Variants in SFXN5 observed in about 807,000 individuals in gnomAD.
The protein encoded by SFXN5 is sideroflexin 5, also known as sideroflexin-5.
In SFXN5, 43 loss-of-function variants were observed where a neutral mutation model predicts 50.2. The observed-to-expected ratio is 0.86, with a 90% CI of 0.67 to 1.11. The LOEUF is 1.11. Among genes scored for constraint, SFXN5 ranks in the 50% least tolerant of loss-of-function variants. SFXN5 has a pLI of 0.00. For missense variants in SFXN5, 463 were observed against 454.1 expected (o/e 1.02, Z -0.18); for synonymous variants, 203 against 185.8 (o/e 1.09, Z -0.75).
At chr2:72,967,815 G>A (rs968334308) in intron 12 of SFXN5, among the ~76,000 whole-genome samples, 13 of 152,070 alleles carry the variant, frequency 8.5e-5, no homozygotes, top group South Asian at 2.1e-4. Flanking sequence ...TCCTTCCAGC[G>A]GAGTTTCAGT....
intron 6 of SFXN5, among the ~76,000 whole-genome samples, chr2:73,006,556 A>G (rs912718963): frequency 4.0e-5 from 6 of 151,466 alleles, no homozygotes; most frequent in Admixed American, 6.6e-5. Context: ...CAGGAGAAGG[A>G]GGTTGCAGTG....
At chr2:73,050,420 A>ACACC (rs1553523879) in intron 2 of SFXN5, among the ~76,000 whole-genome samples, 3 of 140,676 alleles carry the variant, frequency 2.1e-5, no homozygotes, top group African/African-American at 7.5e-5. Context: ...ACACACACAC[A>ACACC]CCCCTGCAGA....
intron 2 of SFXN5, chr2:73,042,705 T>C (rs1000226306): frequency 6.6e-6 from 1 of 151,188 alleles, no homozygotes; most frequent in Non-Finnish European, 1.5e-5. Flanking sequence ...GATGGGAGGA[T>C]TGATTGAGCC....
At chr2:73,060,392 A>G (rs1682661792) in intron 1 of SFXN5, among the ~76,000 whole-genome samples, 1 of 152,222 alleles carries the variant, frequency 6.6e-6, no homozygotes, top group South Asian at 2.1e-4. Context: ...TCACAAGAAA[A>G]CAACACAAAC....
chr2:73,047,285 T>TATATATATATATATATATATATACAC (rs1268079277), intron 2 of SFXN5, among the ~76,000 whole-genome samples: 2 of 92,522 alleles, frequency 2.2e-5, no homozygotes, highest in Non-Finnish European at 2.0e-5. Flanking sequence ...TACACACATA[T>TATATATATATATATATATATATACAC]ATATATATAT....
At chr2:72,984,469 A>G (rs959026114) in intron 10 of SFXN5, among the ~76,000 whole-genome samples, 5 of 152,246 alleles carry the variant, frequency 3.3e-5, no homozygotes, top group Admixed American at 3.3e-4. Context: ...TATATGGGTG[A>G]GGGGTTATCT....
chr2:73,063,290 A>T (rs983787039), intron 1 of SFXN5, among the ~76,000 whole-genome samples: 1 of 152,172 alleles, frequency 6.6e-6, no homozygotes, highest in Non-Finnish European at 1.5e-5. Context: ...CCCACCCACT[A>T]TAGAGACAAA....
intron 13 of SFXN5, among the ~76,000 whole-genome samples, chr2:72,947,717 C>T (rs971636324): frequency 2.6e-5 from 4 of 152,136 alleles, no homozygotes; most frequent in Non-Finnish European, 4.4e-5. Flanking sequence ...CGCTGGTACC[C>T]CGTTACCCAA....
chr2:73,047,257 T>TATATATATATATACACAC (rs1680548851), intron 2 of SFXN5, among the ~76,000 whole-genome samples: 1 of 70,148 alleles, frequency 1.4e-5, no homozygotes, highest in Non-Finnish European at 2.6e-5. Flanking sequence ...TATATATATA[T>TATATATATATATACACAC]ATATATATAT....
intron 12 of SFXN5, among the ~76,000 whole-genome samples, chr2:72,965,314 A>G (rs1349372237): frequency 1.3e-5 from 2 of 152,042 alleles, no homozygotes; most frequent in African/African-American, 4.8e-5. Flanking sequence ...CCAGAGGAAA[A>G]CCAATCTCCC....
At chr2:73,057,715 G>T (rs1439204743) in intron 2 of SFXN5, among the ~76,000 whole-genome samples, 1 of 152,142 alleles carries the variant, frequency 6.6e-6, no homozygotes, top group African/African-American at 2.4e-5. Context: ...CCCACATGTT[G>T]AGAGAGGACA....
At chr2:73,042,963 G>A (rs1200879665) in intron 2 of SFXN5, among the ~76,000 whole-genome samples, 17 of 152,144 alleles carry the variant, frequency 1.1e-4, no homozygotes, top group Admixed American at 1.1e-3. Context: ...AGCTACTCAG[G>A]AAGCTAAGAC....
chr2:73,019,526 T>G (rs1676585940), intron 6 of SFXN5: 1 of 151,754 alleles, frequency 6.6e-6, no homozygotes, highest in Admixed American at 6.6e-5. Flanking sequence ...CCTCCCGGGT[T>G]CATGTCATTC....
At chr2:73,058,629 G>A (rs1425827844) in intron 1 of SFXN5, 33 bp from the exon 2 acceptor site, 4 of 1,599,362 alleles carry the variant, frequency 2.5e-6, no homozygotes, top group South Asian at 1.1e-5. Context: ...AGAGTGAATG[G>A]ATCAGCTGCT....
intron 7 of SFXN5, 115 bp downstream of exon 7, chr2:73,001,410 T>G (rs1019405095): frequency 3.8e-6 from 4 of 1,061,532 alleles, no homozygotes; most frequent in Admixed American, 1.9e-5. Context: ...GGTGTTGGGG[T>G]GGACTGACCC....
intron 7 of SFXN5, among the ~76,000 whole-genome samples, chr2:73,000,817 C>T (rs1376813611): frequency 6.6e-6 from 1 of 152,340 alleles, no homozygotes; most frequent in Admixed American, 6.5e-5. Flanking sequence ...GCCTTTGTCA[C>T]ACCATCTTTA....
At chr2:73,061,946 T>C (rs552237638) in intron 1 of SFXN5, among the ~76,000 whole-genome samples, 3 of 151,928 alleles carry the variant, frequency 2.0e-5, no homozygotes, top group South Asian at 2.1e-4. Context: ...TGAAACCCCA[T>C]CTCTACAAAA....
At chr2:72,948,521 A>G (rs1419960491) in intron 13 of SFXN5, among the ~76,000 whole-genome samples, 1 of 152,240 alleles carries the variant, frequency 6.6e-6, no homozygotes, top group Non-Finnish European at 1.5e-5. Context: ...GCAACTTCCC[A>G]TGCCGGCTTT....
Position 72,961,092 on chromosome 2 carries a change from C to A in SFXN5, c.945+39G>T. 7.3e-7 allele frequency: 1 copy of A among 1,375,984 alleles called. No homozygotes were observed. The highest frequency in any genetic ancestry group is 1.4e-5 in the South Asian group (1 of 72,212). The allele number at this position is 1,375,984 out of a possible 1,614,324, so 85.2% of individuals were successfully genotyped here. A position where few individuals can be genotyped will look rare whatever the true frequency, so the allele number is the denominator to read the frequency against. ...TTGTTCAGAAATCACCAAACAGCAC[C>A]CCCTGCCCTGCCCTGCCCTTGAGCC... On this transcript the variant is annotated intron_variant, in intron 13 of 13. Transcript: ENST00000272433. The surrounding 1 kb of genome is among the most constrained non-coding windows in gnomAD (Gnocchi z 4.4).
Sources: allele counts gnomAD v4.1 joint callset (sites outside exome capture counted in the v4.1 genomes callset), GRCh38; gene constraint gnomAD v4.1.1; non-coding constraint Gnocchi (gnomAD v3.1); transcripts MANE v1.5; gene names NCBI Gene and HGNC (gene_info 2026-07-23, HGNC 2026-07-21).